Variants in DMD observed in about 807,000 individuals in gnomAD.
DMD encodes mutant dystrophin.
A neutral mutation model predicts 330.1 loss-of-function variants in DMD; 63 were observed. The ratio of observed to expected loss-of-function variants is 0.19; its 90% CI spans 0.16 to 0.24. The LOEUF is 0.24. Among genes scored for constraint, DMD ranks in the 10% least tolerant of loss-of-function variants. The pLI, the probability that DMD is intolerant of heterozygous loss-of-function variation, is 1.00. For synonymous variants in DMD, 1,223 were observed against 959.8 expected (o/e 1.27, Z -5.07); for missense variants, 3,344 against 2,684.1 (o/e 1.25, Z -5.43).
At chrX:31,307,387 T>C (rs947664775) in intron 62 of DMD, among the ~76,000 whole-genome samples, 3 of 111,800 alleles carry the variant, frequency 2.7e-5, no homozygotes, top group African/African-American at 6.5e-5. Context: ...AAACAATACA[T>C]TCAAGGACTT....
chrX:31,412,935 T>C (rs2061708136), intron 60 of DMD, among the ~76,000 whole-genome samples: 1 of 111,833 alleles, frequency 8.9e-6, no homozygotes, highest in African/African-American at 3.3e-5. Flanking sequence ...TGCTGTGTCC[T>C]TTACCCACCC....
chrX:33,159,775 A>T (rs928563381), intron 1 of DMD, among the ~76,000 whole-genome samples: 11 of 111,914 alleles, frequency 9.8e-5, no homozygotes, highest in Non-Finnish European at 5.6e-5. Flanking sequence ...TAGTAGAATG[A>T]TTTATAATCC....
chrX:32,643,627 C>A (rs1160440524), intron 11 of DMD, among the ~76,000 whole-genome samples: 1 of 111,212 alleles, frequency 9.0e-6, no homozygotes, highest in Non-Finnish European at 1.9e-5. Context: ...AATATATATT[C>A]TTAAGATAAT....
chrX:31,289,261 A>T (rs1226173724), intron 62 of DMD, among the ~76,000 whole-genome samples: 1 of 86,280 alleles, frequency 1.2e-5, no homozygotes, highest in Non-Finnish European at 2.2e-5. Flanking sequence ...CAAAAAAAAA[A>T]AAAATAAAAA....
At chrX:31,412,512 C>T (rs759808771) in intron 60 of DMD, among the ~76,000 whole-genome samples, 7 of 112,075 alleles carry the variant, frequency 6.2e-5, no homozygotes, top group African/African-American at 1.3e-4. Context: ...TGCTGGCACA[C>T]GCCCTCTCTG....
chrX:33,252,203 GTCAGATAT>G (rs1444257853), intron 1 of DMD, among the ~76,000 whole-genome samples: 1 of 111,887 alleles, frequency 8.9e-6, no homozygotes, highest in African/African-American at 3.2e-5. Flanking sequence ...GGAAGCTACA[GTCAGATAT>G]TTTGAGATGA....
intron 7 of DMD, among the ~76,000 whole-genome samples, chrX:32,794,752 A>G (rs1264340396): frequency 8.9e-6 from 1 of 112,231 alleles, no homozygotes; most frequent in African/African-American, 3.2e-5. Flanking sequence ...TTTGTTAATA[A>G]CTTATAGCTA....
chrX:31,357,340 A>G (rs1372013004), intron 60 of DMD, among the ~76,000 whole-genome samples: 5 of 109,536 alleles, frequency 4.6e-5, no homozygotes, highest in Non-Finnish European at 9.5e-5. Context: ...GCAATTTGAA[A>G]TAATCATCAG....
chrX:32,140,941 C>A (rs1047215535), intron 44 of DMD, among the ~76,000 whole-genome samples: 8 of 111,125 alleles, frequency 7.2e-5, no homozygotes, highest in African/African-American at 2.6e-4. Context: ...GGAAGCAAGG[C>A]ATTTTCACCA....
At chrX:31,509,422 G>C (rs929325082) in intron 55 of DMD, among the ~76,000 whole-genome samples, 3 of 111,602 alleles carry the variant, frequency 2.7e-5, no homozygotes, top group Non-Finnish European at 5.7e-5. Flanking sequence ...TGTTGTACTT[G>C]ATTTGTACAG....
intron 44 of DMD, among the ~76,000 whole-genome samples, chrX:32,038,779 G>T (rs751020348): frequency 7.0e-4 from 77 of 110,338 alleles, no homozygotes; most frequent in African/African-American, 2.3e-3. Flanking sequence ...AATATTTATT[G>T]CAAGTCAAAC....
chrX:33,038,054 G>A (rs7891048), intron 1 of DMD, among the ~76,000 whole-genome samples: 6,724 of 112,079 alleles, frequency 0.06, 484 homozygotes, highest in African/African-American at 0.2. Flanking sequence ...GGGCAGTTAA[G>A]TGTCAAAATA....
At chrX:33,063,486 G>A (rs935081228) in intron 1 of DMD, among the ~76,000 whole-genome samples, 8 of 111,834 alleles carry the variant, frequency 7.2e-5, no homozygotes, top group Non-Finnish European at 1.3e-4. Flanking sequence ...TTCCTAGAAT[G>A]AGGGTAAGGC....
At chrX:32,868,449 T>C (rs2082691742) in intron 2 of DMD, among the ~76,000 whole-genome samples, 1 of 111,417 alleles carries the variant, frequency 9.0e-6, no homozygotes, top group African/African-American at 3.3e-5. Flanking sequence ...ACTGAGCTGC[T>C]GTGGGGAGGG....
At chrX:32,115,609 T>C (rs752060374) in intron 44 of DMD, among the ~76,000 whole-genome samples, 17 of 111,632 alleles carry the variant, frequency 1.5e-4, no homozygotes, top group African/African-American at 4.9e-4. Flanking sequence ...CCCAACTTTC[T>C]TTCCAGCATT....
intron 41 of DMD, among the ~76,000 whole-genome samples, chrX:32,336,030 GTTATATATAACGTGTA>G (rs1569558553): frequency 1.0e-5 from 1 of 96,946 alleles, no homozygotes; most frequent in Non-Finnish European, 2.1e-5. Context: ...TATATATAAC[GTTATATATAACGTGTA>G]TATATAACGT....
chrX:32,495,507 T>A (rs931711046), intron 19 of DMD, among the ~76,000 whole-genome samples: 6 of 111,602 alleles, frequency 5.4e-5, no homozygotes, highest in African/African-American at 1.6e-4. Flanking sequence ...CACTGTCACG[T>A]TAATAACCGA....
At chrX:32,943,836 T>G (rs965114040) in intron 2 of DMD, among the ~76,000 whole-genome samples, 2 of 112,328 alleles carry the variant, frequency 1.8e-5, no homozygotes, top group South Asian at 7.3e-4. Context: ...ACAAATGAGA[T>G]CGAACATTTT....
intron 42 of DMD, among the ~76,000 whole-genome samples, chrX:32,309,354 CTATAA>C (rs1204859774): frequency 9.0e-6 from 1 of 111,141 alleles, no homozygotes; most frequent in Non-Finnish European, 1.9e-5. Flanking sequence ...TCTGGGTATA[CTATAA>C]TATTTCATTT....
Sources: allele counts gnomAD v4.1 joint callset (sites outside exome capture counted in the v4.1 genomes callset), GRCh38; gene constraint gnomAD v4.1.1; transcripts MANE v1.5; gene names NCBI Gene and HGNC (gene_info 2026-07-23, HGNC 2026-07-21).